The following FBLN1 variants were observed in gnomAD, a reference collection of about 807,000 sequenced individuals.
The protein encoded by FBLN1 is fibulin-1.
In FBLN1, 34 loss-of-function variants were observed where a neutral mutation model predicts 89.7. That is an observed-to-expected ratio of 0.38 (90% confidence interval 0.29 to 0.50). The LOEUF (loss-of-function observed/expected upper bound fraction) is 0.50, where lower values mean the gene tolerates loss of function less well. Ranked by LOEUF, FBLN1 falls within the 20% of genes least tolerant of loss-of-function variation. The pLI is 0.92. For synonymous variants in FBLN1, 393 were observed against 391.3 expected (o/e 1.00, Z -0.05); for missense variants, 777 against 988.1 (o/e 0.79, Z 2.86).
Position 45,549,006 on chromosome 22 carries a change from C to A in FBLN1, c.1573+262C>A, listed in dbSNP as rs939478715. 3.3e-5 allele frequency among the ~76,000 whole-genome samples: 5 copies of A among 152,206 alleles called. No homozygotes were observed. The highest frequency in any genetic ancestry group is 1.2e-4 in the African/African-American group (5 of 41,460). ...GCGGCTGCATCCGGCAGGAACACTTCAGCCCTCCTCCCCTCCCCTCAGCAG... is the reference window on the plus strand; with the variant it reads ...GCGGCTGCATCCGGCAGGAACACTTAAGCCCTCCTCCCCTCCCCTCAGCAG... On this transcript the variant is annotated intron_variant, in intron 13 of 16. Coordinates refer to ENST00000327858, the MANE Select transcript of FBLN1 (RefSeq NM_006486.3). The surrounding 1 kb of genome is among the most constrained non-coding windows in gnomAD (Gnocchi z 5.7).
At chr22:45,534,199 C>T (rs542611609) in intron 7 of FBLN1, among the ~76,000 whole-genome samples, 6 of 136,434 alleles carry the variant, frequency 4.4e-5, no homozygotes, top group East Asian at 2.3e-4. Context: ...GCAGAGTAAA[C>T]GATGGCAGAT....
chr22:45,527,288 A>G (rs1477298009), intron 3 of FBLN1, among the ~76,000 whole-genome samples: 2 of 152,346 alleles, frequency 1.3e-5, no homozygotes, highest in East Asian at 3.9e-4. Context: ...ACCTGGGCCC[A>G]GGTGGCAGAC....
intron 14 of FBLN1, among the ~76,000 whole-genome samples, chr22:45,551,826 C>G (rs1004645657): frequency 6.6e-6 from 1 of 152,242 alleles, no homozygotes; most frequent in South Asian, 2.1e-4. Flanking sequence ...TAAGTTCACT[C>G]TCTCCCCAGC....
intron 14 of FBLN1, among the ~76,000 whole-genome samples, chr22:45,564,079 G>A (rs911256715): frequency 6.6e-6 from 1 of 152,190 alleles, no homozygotes; most frequent in Non-Finnish European, 1.5e-5. Flanking sequence ...AAGACTCAGA[G>A]AGGGCAAGTG....
intron 3 of FBLN1, among the ~76,000 whole-genome samples, chr22:45,526,980 G>A (rs367593151): frequency 1.3e-5 from 2 of 152,196 alleles, no homozygotes; most frequent in Non-Finnish European, 2.9e-5. Context: ...GCAGATGAGC[G>A]ACTTGTGTTT....
rs1455872872 is a variant in FBLN1 at position 45,572,600 on chromosome 22, A to T, written c.1698-1911A>T. Among the ~76,000 whole-genome samples, 1 of 152,260 alleles carries T rather than the reference A, an allele frequency of 6.6e-6. No homozygotes were observed. The highest frequency in any genetic ancestry group is 1.5e-5 in the Non-Finnish European group (1 of 68,038). ...TGTTTACAGGAGTAGTCCAGCTAAT[A>T]AATGGAAGTGAAGTGGTAGAACCAG... is the stretch of plus-strand genomic sequence containing the variant. On this transcript the variant is annotated intron_variant, in intron 14 of 16. Coordinates refer to ENST00000327858, the MANE Select transcript of FBLN1 (RefSeq NM_006486.3). The surrounding 1 kb of genome is among the most constrained non-coding windows in gnomAD (Gnocchi z 5.8).
chr22:45,559,969 CTT>C lies in FBLN1; in HGVS notation c.1697+9360_1697+9361del, dbSNP rs376231252. The stretch of plus-strand genomic sequence containing the variant: ...AAATTGATTGAGGGGCCGTGATTCT[CTT>C]TTTTTGTAATTCAAATTAGTCTTTT... On this transcript the variant is annotated intron_variant, in intron 14 of 16. Coordinates refer to ENST00000327858, the MANE Select transcript of FBLN1 (RefSeq NM_006486.3). Among the ~76,000 whole-genome samples the C allele has an allele frequency of 4.7e-4, 71 of 152,288 alleles. 1 individual carries two copies. The highest frequency in any genetic ancestry group is 2.1e-3 in the East Asian group (11 of 5,184).
intron 14 of FBLN1, among the ~76,000 whole-genome samples, chr22:45,559,880 C>T (rs1306907676): frequency 6.6e-6 from 1 of 152,222 alleles, no homozygotes; most frequent in East Asian, 1.9e-4. Flanking sequence ...GGGGTCCTTC[C>T]TCAAGAGGAC....
Position 45,597,531 on chromosome 22 carries a change from CAG to C in FBLN1, c.1973-2775_1973-2774del, listed in dbSNP as rs2089197305. ...CCTGGGGAGAGAAAAATATGACATA[CAG>C]GGGGCCCACGGGGGTACGTTAGGTT... is the stretch of plus-strand genomic sequence containing the variant. On this transcript the variant is annotated intron_variant, in intron 16 of 16. Coordinates refer to ENST00000327858, the MANE Select transcript of FBLN1 (RefSeq NM_006486.3). The surrounding 1 kb of genome is among the most constrained non-coding windows in gnomAD (Gnocchi z 4.2). Among the ~76,000 whole-genome samples, 1 of 152,138 alleles carries C rather than the reference CAG, an allele frequency of 6.6e-6. No individual in the cohort carries two copies. The highest frequency in any genetic ancestry group is 6.5e-5 in the Admixed American group (1 of 15,272).
chr22:45,568,487 G>GCT (rs1569260056), intron 14 of FBLN1, among the ~76,000 whole-genome samples: 5 of 118,930 alleles, frequency 4.2e-5, no homozygotes, highest in South Asian at 2.8e-4. Flanking sequence ...GTAGGGGAAT[G>GCT]CCTCTTCTGT....
Position 45,572,645 on chromosome 22 carries a change from C to T in FBLN1, c.1698-1866C>T, listed in dbSNP as rs141298673. Among the ~76,000 whole-genome samples, 97 of 152,370 alleles carry T rather than the reference C, an allele frequency of 6.4e-4. No individual in the cohort carries two copies. The East Asian group carries it at 0.014, about 22-fold the overall frequency. ...AACCAGACTATCGGCATTTTGCAAT[C>T]CTTGATGAATCAGTGGGCGTAGGCC... On this transcript the variant is annotated intron_variant, in intron 14 of 16. Coordinates refer to ENST00000327858, the MANE Select transcript of FBLN1 (RefSeq NM_006486.3). This position sits in a 1 kb window ranked among gnomAD's most constrained non-coding sequence, Gnocchi z 5.8.
intron 14 of FBLN1, among the ~76,000 whole-genome samples, chr22:45,555,674 C>T (rs1304037935): frequency 6.6e-6 from 1 of 152,106 alleles, no homozygotes; most frequent in African/African-American, 2.4e-5. Context: ...TTGTATCCTT[C>T]AATCCAATCA....
At chr22:45,554,242 C>G (rs1411862084) in intron 14 of FBLN1, among the ~76,000 whole-genome samples, 1 of 152,216 alleles carries the variant, frequency 6.6e-6, no homozygotes, top group Non-Finnish European at 1.5e-5. Flanking sequence ...TCACCTGCAC[C>G]CGGAAGCACA....
rs2088987722 is a variant in FBLN1 at position 45,575,348 on chromosome 22, AGG to A, written c.1840+696_1840+697del. 6.6e-6 allele frequency among the ~76,000 whole-genome samples: 1 copy of A among 151,990 alleles called. No individual in the cohort carries two copies. The highest frequency in any genetic ancestry group is 1.5e-5 in the Non-Finnish European group (1 of 67,982). On this transcript the variant is annotated intron_variant, in intron 15 of 16. Transcript: ENST00000327858. The surrounding 1 kb of genome is among the most constrained non-coding windows in gnomAD (Gnocchi z 6.3). ...AGGGGAGGAGGGTGCCCAGTGGAGC[AGG>A]ACATGGCCAGAAGGGTCTGGAGGTA... is the stretch of plus-strand genomic sequence containing the variant.
At chr22:45,513,523 C>T (rs971889144) in intron 1 of FBLN1, among the ~76,000 whole-genome samples, 1 of 151,738 alleles carries the variant, frequency 6.6e-6, no homozygotes, top group Non-Finnish European at 1.5e-5. Context: ...CCATTTTAAC[C>T]ATTTCTAAGT....
At chr22:45,513,337 C>T (rs2088126496) in intron 1 of FBLN1, among the ~76,000 whole-genome samples, 3 of 145,698 alleles carry the variant, frequency 2.1e-5, no homozygotes, top group South Asian at 2.2e-4. Flanking sequence ...TGTAGTCTCA[C>T]TCTGTCACCC....
At chr22:45,570,335 A>AAAAAAG (rs2088941314) in intron 14 of FBLN1, among the ~76,000 whole-genome samples, 3 of 92,764 alleles carry the variant, frequency 3.2e-5, no homozygotes, top group Non-Finnish European at 6.4e-5. Flanking sequence ...AAAAAAAAAA[A>AAAAAAG]AAAAGAAAAG....
chr22:45,505,911 G>A (rs1008162497), intron 1 of FBLN1, among the ~76,000 whole-genome samples: 2 of 152,136 alleles, frequency 1.3e-5, no homozygotes, highest in Non-Finnish European at 1.5e-5. Context: ...AGCTGGGATT[G>A]CAGGCGCCCA....
At chr22:45,523,305 G>A (rs995468627) in intron 2 of FBLN1, 1 of 592,322 alleles carries the variant, frequency 1.7e-6, no homozygotes, top group East Asian at 2.8e-5. Context: ...GGCTGAGGGG[G>A]CCATGAGATA....
Sources: gnomAD v4.1 joint callset for allele counts (sites outside exome capture counted in the v4.1 genomes callset) on GRCh38, gnomAD v4.1.1 for gene constraint, Gnocchi (gnomAD v3.1) non-coding constraint, MANE v1.5 for transcripts, NCBI Gene and HGNC (gene_info 2026-07-23, HGNC 2026-07-21) for gene names.